Variants in MTUS1 observed in about 807,000 individuals in gnomAD.
The protein encoded by MTUS1 is microtubule-associated tumor suppressor 1.
A neutral mutation model predicts 120.8 loss-of-function variants in MTUS1; 109 were observed. The ratio of observed to expected loss-of-function variants is 0.90; its 90% confidence interval spans 0.77 to 1.06. MTUS1 has a LOEUF of 1.06. Among genes scored for constraint, MTUS1 ranks in the 50% least tolerant of loss-of-function variants. MTUS1 has a pLI of 0.00. For missense variants in MTUS1, 2,210 were observed against 1,486.3 expected (o/e 1.49, Z -8.01); for synonymous variants, 737 against 550.5 (o/e 1.34, Z -4.74).
chr8:17,725,816 A>T (rs1270567869), intron 3 of MTUS1, among the ~76,000 whole-genome samples: 1 of 152,152 alleles, frequency 6.6e-6, no homozygotes, highest in Non-Finnish European at 1.5e-5. Flanking sequence ...TCATCAGCAT[A>T]TTTTATGTGT....
intron 3 of MTUS1, among the ~76,000 whole-genome samples, chr8:17,739,343 A>T (rs1404784843): frequency 6.7e-6 from 1 of 150,262 alleles, no homozygotes; most frequent in Non-Finnish European, 1.5e-5. Context: ...AAAATGCAAA[A>T]TTAGCCAGGT....
chr8:17,647,130 C>T (rs1170351761), intron 13 of MTUS1, 51 bp from the exon 14 acceptor site: 2 of 1,446,472 alleles, frequency 1.4e-6, no homozygotes, highest in Non-Finnish European at 9.6e-7. Context: ...AAAAAAAACC[C>T]CTCATTTCTT....
chr8:17,648,017 C>T (rs1040232807), intron 13 of MTUS1, among the ~76,000 whole-genome samples: 2 of 152,084 alleles, frequency 1.3e-5, no homozygotes, highest in African/African-American at 2.4e-5. Context: ...AAGGAGTCTA[C>T]GTTCAGTAAT....
rs147426592 is a variant in MTUS1 at position 17,674,636 on chromosome 8, G to T, written c.2905+550C>A. 9,638 of 986,598 alleles carry T rather than the reference G, an allele frequency of 9.8e-3. 56 individuals are homozygous for T. Among genetic ancestry groups the T allele is most frequent in the Middle Eastern group, 0.016 (32 of 1,982 alleles). 61.1% of individuals were successfully genotyped at this position (986,598 alleles called of 1,614,324 possible). Reference sequence around the variant, plus strand: ...ATGTAAACTGCAGGGCTGGGTGGTAGGTGTTGAGACGTGGGGCTCCCTGTG... The same window carrying T: ...ATGTAAACTGCAGGGCTGGGTGGTATGTGTTGAGACGTGGGGCTCCCTGTG... On this transcript the variant is annotated intron_variant, in intron 8 of 14. Transcript: ENST00000693296.
chr8:17,747,769 C>T (rs780341448), intron 2 of MTUS1, among the ~76,000 whole-genome samples: 9 of 152,068 alleles, frequency 5.9e-5, no homozygotes, highest in African/African-American at 1.2e-4. Flanking sequence ...CTTATAAAGA[C>T]GTACATGAGA....
At chr8:17,767,700 TAAAAAA>T (rs112048837) in intron 1 of MTUS1, among the ~76,000 whole-genome samples, 2 of 87,888 alleles carry the variant, frequency 2.3e-5, no homozygotes, top group African/African-American at 5.1e-5. Flanking sequence ...CCCTGTCTCT[TAAAAAA>T]AAAAAAAAAA....
At chr8:17,658,870 G>C (rs1184880765) in intron 8 of MTUS1, among the ~76,000 whole-genome samples, 1 of 151,944 alleles carries the variant, frequency 6.6e-6, no homozygotes, top group African/African-American at 2.4e-5. Context: ...GGAAAAGGAG[G>C]CCACATTGAA....
intron 8 of MTUS1, among the ~76,000 whole-genome samples, chr8:17,657,561 C>A (rs1337755071): frequency 1.3e-5 from 2 of 149,826 alleles, no homozygotes; most frequent in Non-Finnish European, 3.0e-5. Flanking sequence ...GAGAGAGACT[C>A]CGTCTCAAAA....
intron 4 of MTUS1, among the ~76,000 whole-genome samples, chr8:17,717,548 C>T (rs926456093): frequency 6.6e-6 from 1 of 152,158 alleles, no homozygotes; most frequent in Non-Finnish European, 1.5e-5. Context: ...AAATAAGTCA[C>T]TTATTCATAT....
At chr8:17,759,097 G>A (rs2131368008) in intron 1 of MTUS1, among the ~76,000 whole-genome samples, 1 of 151,558 alleles carries the variant, frequency 6.6e-6, no homozygotes, top group East Asian at 1.9e-4. Flanking sequence ...TAGCCAGCAT[G>A]GTCTTGATCT....
At position 17,754,777 on chromosome 8, in the gene MTUS1, C is replaced by T; in HGVS notation, c.1031G>A (p.Cys344Tyr). 2 of 1,614,244 alleles carry T rather than the reference C, an allele frequency of 1.2e-6. 1 individual carries two copies. The highest frequency in any genetic ancestry group is 1.7e-6 in the Non-Finnish European group (2 of 1,180,044). ...TAAAGGGCATTCATCATCAATAAGA[C>T]AATAGGACACTGTCTCTCTCAGATT... ...GQNLRETVSYCLIDDECPLMV... is the reference protein window; with the variant it reads ...GQNLRETVSYYLIDDECPLMV... The change falls in exon 2 of 15, where the codon TGT becomes TAT. Residue 344 changes from cysteine to tyrosine, a missense_variant. Coordinates refer to ENST00000693296, the MANE Select transcript of MTUS1 (RefSeq NM_001363059.2).
At chr8:17,743,358 T>C (rs1023197429) in intron 3 of MTUS1, among the ~76,000 whole-genome samples, 2 of 152,360 alleles carry the variant, frequency 1.3e-5, no homozygotes, top group African/African-American at 2.4e-5. Context: ...TGTATATTTA[T>C]GTACACATCC....
intron 1 of MTUS1, chr8:17,800,701 C>T (rs982806697): frequency 6.6e-6 from 1 of 152,214 alleles, no homozygotes. Context: ...CAACCCTATT[C>T]CACCCGCTTT....
chr8:17,764,628 G>T (rs965708495), intron 1 of MTUS1, among the ~76,000 whole-genome samples: 9 of 152,174 alleles, frequency 5.9e-5, no homozygotes, highest in Non-Finnish European at 8.8e-5. Context: ...AATATCTTAG[G>T]CTTTACAGGA....
At chr8:17,738,751 G>A (rs1017297929) in intron 3 of MTUS1, among the ~76,000 whole-genome samples, 1 of 152,108 alleles carries the variant, frequency 6.6e-6, no homozygotes, top group Non-Finnish European at 1.5e-5. Context: ...ATTCACATCA[G>A]AGTTAACATC....
intron 8 of MTUS1, chr8:17,674,492 AC>A (rs1812663429): frequency 1.0e-6 from 1 of 985,188 alleles, no homozygotes; most frequent in African/African-American, 1.7e-5. Context: ...TGTTCCATGA[AC>A]CCTAAGGGCT....
intron 8 of MTUS1, among the ~76,000 whole-genome samples, chr8:17,661,954 G>A (rs529017977): frequency 9.8e-5 from 15 of 152,294 alleles, no homozygotes; most frequent in African/African-American, 3.6e-4. Flanking sequence ...CATTTATTTG[G>A]CATAAAGACT....
At chr8:17,701,578 C>T (rs1195836296) in intron 6 of MTUS1, among the ~76,000 whole-genome samples, 1 of 152,028 alleles carries the variant, frequency 6.6e-6, no homozygotes, top group Non-Finnish European at 1.5e-5. Context: ...GACGGAACCT[C>T]GGTCTGTCGC....
At chr8:17,766,439 T>C (rs920805339) in intron 1 of MTUS1, among the ~76,000 whole-genome samples, 2 of 152,222 alleles carry the variant, frequency 1.3e-5, no homozygotes, top group African/African-American at 4.8e-5. Flanking sequence ...TCAAGTTTAA[T>C]AGGCAAACCT....
Sources: gnomAD v4.1 joint callset for allele counts (sites outside exome capture counted in the v4.1 genomes callset) on GRCh38, gnomAD v4.1.1 for gene constraint, MANE v1.5 for transcripts, NCBI Gene and HGNC (gene_info 2026-07-23, HGNC 2026-07-21) for gene names.